HUNK: variants seen among roughly 807,000 people sequenced by gnomAD.
HUNK encodes hormonally up-regulated Neu-associated kinase.
In HUNK, 21 loss-of-function variants were observed where a neutral mutation model predicts 61.0. The observed-to-expected ratio is 0.34, with a 90% CI of 0.24 to 0.50. The LOEUF (loss-of-function observed/expected upper bound fraction) is 0.50, where lower values mean the gene tolerates loss of function less well. Among genes scored for constraint, HUNK ranks in the 20% least tolerant of loss-of-function variants. HUNK has a pLI of 0.98. For missense variants in HUNK, 772 were observed against 945.7 expected, an observed-to-expected ratio of 0.82 and a Z score of 2.41; for synonymous variants, 371 against 386.1, an observed-to-expected ratio of 0.96 and a Z score of 0.46.
chr21:31,975,455 G>GTAA (rs2053042135), intron 7 of HUNK, among the ~76,000 whole-genome samples: 1 of 152,222 alleles, frequency 6.6e-6, no homozygotes, highest in Admixed American at 6.5e-5. Flanking sequence ...TCTGCATACA[G>GTAA]CAGCTCATGC....
At chr21:31,938,810 A>G (rs2052749581) in intron 2 of HUNK, among the ~76,000 whole-genome samples, 1 of 152,206 alleles carries the variant, frequency 6.6e-6, no homozygotes, top group African/African-American at 2.4e-5. Flanking sequence ...GTTAACATTC[A>G]AGGTATGCCT....
chr21:31,908,980 T>G (rs1424763843), intron 1 of HUNK, among the ~76,000 whole-genome samples: 3 of 152,120 alleles, frequency 2.0e-5, no homozygotes, highest in Non-Finnish European at 4.4e-5. Context: ...ACTGGGCCCT[T>G]TTGACACTTT....
intron 7 of HUNK, among the ~76,000 whole-genome samples, chr21:31,979,108 C>CTTTTTT (rs57678620): frequency 3.5e-5 from 5 of 142,254 alleles, no homozygotes; most frequent in South Asian, 4.5e-4. Flanking sequence ...TTGGCCATTT[C>CTTTTTT]TTTTTTTTTT....
At chr21:31,987,413 T>C (rs1056672363) in intron 8 of HUNK, among the ~76,000 whole-genome samples, 1 of 152,170 alleles carries the variant, frequency 6.6e-6, no homozygotes, top group Non-Finnish European at 1.5e-5. Context: ...GCCCAATGTG[T>C]GTACCCTAGG....
chr21:31,951,063 G>A (rs1394545013), intron 4 of HUNK, among the ~76,000 whole-genome samples: 1 of 151,934 alleles, frequency 6.6e-6, no homozygotes, highest in Non-Finnish European at 1.5e-5. Flanking sequence ...ATGGGAAATG[G>A]CGCGCTTTCT....
intron 1 of HUNK, among the ~76,000 whole-genome samples, chr21:31,921,882 T>C (rs2052624868): frequency 5.3e-5 from 8 of 152,246 alleles, no homozygotes. Context: ...CCGCGTGTGC[T>C]TATAGTATGC....
chr21:31,961,621 A>G (rs1483641307), intron 5 of HUNK, among the ~76,000 whole-genome samples: 3 of 152,236 alleles, frequency 2.0e-5, no homozygotes, highest in Non-Finnish European at 4.4e-5. Context: ...TGCAGTACAA[A>G]TAAGATGTGA....
intron 1 of HUNK, among the ~76,000 whole-genome samples, chr21:31,879,889 G>T (rs998157640): frequency 6.6e-6 from 1 of 152,148 alleles, no homozygotes; most frequent in Admixed American, 6.5e-5. Context: ...ATTGAAACCC[G>T]TAGATAATCC....
rs371844797 is a variant in HUNK at position 31,946,219 on chromosome 21, C to A, written c.746+48C>A. ...GTCAGTGTTCCTCCTGCTGTCTCCA[C>A]CGTGCCTTCCTTATGAAATCATGCC... is the stretch of plus-strand genomic sequence containing the variant. On this transcript the variant is annotated intron_variant, in intron 4 of 10. Transcript: ENST00000270112. 9 of 1,573,030 alleles carry A rather than the reference C, an allele frequency of 5.7e-6. No homozygotes were observed. In the African/African-American group the frequency reaches 1.1e-4, roughly 19 times the overall value.
intron 1 of HUNK, among the ~76,000 whole-genome samples, chr21:31,921,200 A>G (rs1003830947): frequency 6.7e-6 from 1 of 148,742 alleles, no homozygotes; most frequent in Non-Finnish European, 1.5e-5. Flanking sequence ...ACACTGCTCT[A>G]TAGAGGAGAT....
intron 1 of HUNK, among the ~76,000 whole-genome samples, chr21:31,910,437 G>C (rs907748074): frequency 1.3e-5 from 2 of 150,444 alleles, no homozygotes; most frequent in African/African-American, 4.9e-5. Flanking sequence ...TAAAGGCCCT[G>C]TTTCCAAATA....
chr21:31,943,971 G>C (rs1301344071), intron 3 of HUNK, among the ~76,000 whole-genome samples: 3 of 152,230 alleles, frequency 2.0e-5, no homozygotes, highest in African/African-American at 7.2e-5. Flanking sequence ...TCTCACAGTA[G>C]GTGCTCCTCA....
At position 31,974,534 on chromosome 21, in the gene HUNK, C is replaced by G. The variant is rs1324960931; in HGVS notation, c.1011-21C>G. ...CCGTGAAGTGCAGGGGTGACTGGTCCTCTCTCTCTGCACCTCGCAGGATTT... is the reference window on the plus strand; with the variant it reads ...CCGTGAAGTGCAGGGGTGACTGGTCGTCTCTCTCTGCACCTCGCAGGATTT... On this transcript the variant is annotated intron_variant, in intron 6 of 10. Coordinates refer to ENST00000270112, the MANE Select transcript of HUNK (RefSeq NM_014586.2). 4 of 1,597,004 alleles carry G rather than the reference C, an allele frequency of 2.5e-6. No individual in the cohort carries two copies. The Admixed American group carries it at 6.8e-5, about 27-fold the overall frequency.
At chr21:31,991,783 C>G (rs1000872254) in intron 9 of HUNK, among the ~76,000 whole-genome samples, 1 of 152,220 alleles carries the variant, frequency 6.6e-6, no homozygotes, top group African/African-American at 2.4e-5. Context: ...CTTACCTCAG[C>G]TCCCAGGGCT....
At chr21:31,953,325 C>A (rs1257423220) in intron 4 of HUNK, among the ~76,000 whole-genome samples, 1 of 151,770 alleles carries the variant, frequency 6.6e-6, no homozygotes, top group Non-Finnish European at 1.5e-5. Flanking sequence ...ACCTCCAACT[C>A]CCGGGTTCAA....
chr21:31,920,339 T>G (rs1305600425), intron 1 of HUNK, among the ~76,000 whole-genome samples: 1 of 152,240 alleles, frequency 6.6e-6, no homozygotes, highest in East Asian at 1.9e-4. Context: ...ATTAGGCCAT[T>G]ATTCAACCTG....
intron 1 of HUNK, among the ~76,000 whole-genome samples, chr21:31,874,275 G>T (rs1394148325): frequency 6.6e-6 from 1 of 151,606 alleles, no homozygotes; most frequent in African/African-American, 2.4e-5. Flanking sequence ...GCCGGCAGGG[G>T]CGGCGGATCC....
chr21:31,995,078 G>A (rs1052626697), intron 9 of HUNK, among the ~76,000 whole-genome samples: 3 of 148,094 alleles, frequency 2.0e-5, no homozygotes, highest in African/African-American at 7.5e-5. Flanking sequence ...AGGATCACTT[G>A]AGCCCAGGAG....
chr21:31,879,752 A>T (rs939364879), intron 1 of HUNK, among the ~76,000 whole-genome samples: 1 of 152,128 alleles, frequency 6.6e-6, no homozygotes, highest in African/African-American at 2.4e-5. Context: ...TGTGCCCCCG[A>T]AGAGAGGGAC....
Sources: allele counts gnomAD v4.1 joint callset (sites outside exome capture counted in the v4.1 genomes callset), GRCh38; gene constraint gnomAD v4.1.1; transcripts MANE v1.5; gene names NCBI Gene and HGNC (gene_info 2026-07-23, HGNC 2026-07-21).